PTPRT: variants seen among roughly 807,000 people sequenced by gnomAD.
PTPRT encodes receptor-type tyrosine-protein phosphatase T.
In PTPRT, 56 loss-of-function variants were observed where a neutral mutation model predicts 176.8. The observed-to-expected ratio is 0.32, with a 90% CI of 0.26 to 0.40. The LOEUF (loss-of-function observed/expected upper bound fraction) is 0.40. Ranked by LOEUF, PTPRT falls within the 10% of genes least tolerant of loss-of-function variation. The probability of loss-of-function intolerance (pLI) is 1.00; values close to 1 mark genes in which losing one functional copy is unlikely to be tolerated. For synonymous variants in PTPRT, 783 were observed against 739.0 expected, an observed-to-expected ratio of 1.06 and a Z score of -0.96; for missense variants, 1,540 against 1,908.2, an observed-to-expected ratio of 0.81 and a Z score of 3.60.
chr20:42,797,357 C>G (rs6130222), intron 2 of PTPRT, among the ~76,000 whole-genome samples: 62,646 of 152,098 alleles, frequency 0.41, 15,207 homozygotes, highest in Non-Finnish European at 0.54. Context: ...TAAAACAGTA[C>G]TCAGCACCAT....
chr20:43,039,339 T>G, intron 1 of PTPRT, among the ~76,000 whole-genome samples: 1 of 137,390 alleles, frequency 7.3e-6, no homozygotes, highest in South Asian at 2.2e-4. Flanking sequence ...ACTAGCTATC[T>G]TCTTGAAATA....
intron 7 of PTPRT, among the ~76,000 whole-genome samples, chr20:42,601,922 TGCAG>T (rs1490917811): frequency 1.3e-5 from 2 of 152,140 alleles, no homozygotes; most frequent in Non-Finnish European, 2.9e-5. Context: ...CCGGGCAGGA[TGCAG>T]GCATGGTGAA....
chr20:42,187,810 C>A (rs1990842561), intron 16 of PTPRT, among the ~76,000 whole-genome samples: 1 of 152,168 alleles, frequency 6.6e-6, no homozygotes, highest in Non-Finnish European at 1.5e-5. Context: ...CATTTATAGC[C>A]CACTGTTTTG....
intron 7 of PTPRT, among the ~76,000 whole-genome samples, chr20:42,629,002 A>G (rs952497032): frequency 6.6e-6 from 1 of 152,200 alleles, no homozygotes; most frequent in Non-Finnish European, 1.5e-5. Context: ...TCAAAAGGCC[A>G]TAATTCTTCA....
At chr20:42,231,863 G>A (rs561324080) in intron 15 of PTPRT, among the ~76,000 whole-genome samples, 1 of 152,222 alleles carries the variant, frequency 6.6e-6, no homozygotes, top group South Asian at 2.1e-4. Context: ...AAATATTTGT[G>A]GACCACTGTT....
At chr20:42,923,831 C>A (rs1372815780) in intron 1 of PTPRT, among the ~76,000 whole-genome samples, 1 of 150,792 alleles carries the variant, frequency 6.6e-6, no homozygotes, top group Non-Finnish European at 1.5e-5. Flanking sequence ...ATGAATGGGA[C>A]ATTTTTTTCT....
At chr20:42,448,197 T>C (rs1422852236) in intron 9 of PTPRT, 23 bp downstream of exon 9, 3 of 1,547,204 alleles carry the variant, frequency 1.9e-6, no homozygotes, top group East Asian at 2.2e-5. Flanking sequence ...AGCCAATGGA[T>C]GCAGCACAAG....
At chr20:42,807,622 A>G (rs1320696119) in intron 2 of PTPRT, among the ~76,000 whole-genome samples, 1 of 152,110 alleles carries the variant, frequency 6.6e-6, no homozygotes, top group East Asian at 1.9e-4. Context: ...CCTGACCAAA[A>G]TTGATATACT....
At chr20:42,378,446 C>T (rs2145623526) in intron 9 of PTPRT, among the ~76,000 whole-genome samples, 1 of 152,270 alleles carries the variant, frequency 6.6e-6, no homozygotes, top group East Asian at 1.9e-4. Flanking sequence ...TTTACTCTTC[C>T]TTTGCAACCT....
chr20:42,409,481 CAAAAAAAAAAAAAAAAAAAAAAAA>C (rs58932390), intron 9 of PTPRT, among the ~76,000 whole-genome samples: 47 of 112,140 alleles, frequency 4.2e-4, no homozygotes, highest in Non-Finnish European at 3.8e-4. Flanking sequence ...GACTCTGTCG[CAAAAAAAAAAAAAAAAAAAAAAAA>C]AAAAAAAAAA....
chr20:42,396,529 A>G (rs1181146188), intron 9 of PTPRT, among the ~76,000 whole-genome samples: 1 of 152,134 alleles, frequency 6.6e-6, no homozygotes, highest in Non-Finnish European at 1.5e-5. Flanking sequence ...CTGGCTTGGA[A>G]CACGCTAACC....
At chr20:43,032,187 T>C (rs1986165020) in intron 1 of PTPRT, among the ~76,000 whole-genome samples, 1 of 152,208 alleles carries the variant, frequency 6.6e-6, no homozygotes, top group South Asian at 2.1e-4. Flanking sequence ...TCCAGAATTT[T>C]GTTCTTTCTT....
chr20:42,772,219 A>G (rs960287239), intron 4 of PTPRT, among the ~76,000 whole-genome samples: 7 of 152,206 alleles, frequency 4.6e-5, no homozygotes, highest in African/African-American at 1.7e-4. Context: ...TTGCCATTTG[A>G]TAAGTACCAC....
chr20:42,617,766 C>G lies in PTPRT; in HGVS notation c.1153+60100G>C, dbSNP rs1185538177. On this transcript the variant is annotated intron_variant, in intron 7 of 30. Coordinates refer to ENST00000373187, the MANE Select transcript of PTPRT (RefSeq NM_007050.6). ...TACTCTCTGATAGTAGTTTGTATTT[C>G]TGTGGGATTGGTGGTGATATCCCCT... 7.9e-5 allele frequency among the ~76,000 whole-genome samples: 11 copies of G among 139,226 alleles called. 1 individual carries two copies. Among genetic ancestry groups the G allele is most frequent in the Admixed American group, 7.6e-4 (11 of 14,522 alleles). The allele number at this position is 139,226 out of a possible 152,430, so 91.3% of individuals were successfully genotyped here.
At chr20:42,640,615 C>T (rs1404761116) in intron 7 of PTPRT, among the ~76,000 whole-genome samples, 1 of 152,014 alleles carries the variant, frequency 6.6e-6, no homozygotes, top group East Asian at 1.9e-4. Context: ...TCTCGAACTC[C>T]TGACCACCGC....
intron 7 of PTPRT, among the ~76,000 whole-genome samples, chr20:42,554,031 C>T (rs1164107150): frequency 6.6e-6 from 1 of 152,080 alleles, no homozygotes; most frequent in Non-Finnish European, 1.5e-5. Flanking sequence ...CCTGGGTGTT[C>T]CTTGATCCTA....
Position 42,085,863 on chromosome 20 carries a change from G to A in PTPRT, c.3847-10C>T, listed in dbSNP as rs750508565. On this transcript the variant is annotated splice_polypyrimidine_tract_variant and intron_variant, in intron 27 of 30. Coordinates refer to ENST00000373187, the MANE Select transcript of PTPRT (RefSeq NM_007050.6). Reference sequence around the variant, plus strand: ...AGTACTGCATACAGAACTGAGATAAGGAAAGAGGTCACAGAAGGAGCTCAA... The same window carrying A: ...AGTACTGCATACAGAACTGAGATAAAGAAAGAGGTCACAGAAGGAGCTCAA... 4.3e-6 allele frequency: 7 copies of A among 1,609,380 alleles called. No homozygotes were observed. The Admixed American group carries it at 5.0e-5, about 12-fold the overall frequency.
chr20:42,839,729 G>C (rs1052462833), intron 2 of PTPRT, among the ~76,000 whole-genome samples: 37 of 152,152 alleles, frequency 2.4e-4, no homozygotes, highest in African/African-American at 8.2e-4. Context: ...AAAGCCAACT[G>C]GTGCTGTTAC....
chr20:42,880,420 T>C (rs1165641717), intron 2 of PTPRT, among the ~76,000 whole-genome samples: 1 of 152,188 alleles, frequency 6.6e-6, no homozygotes, highest in Non-Finnish European at 1.5e-5. Context: ...TCAACCCTAA[T>C]CCATACCTTA....
Sources: gnomAD v4.1 joint callset for allele counts (sites outside exome capture counted in the v4.1 genomes callset) on GRCh38, gnomAD v4.1.1 for gene constraint, MANE v1.5 for transcripts, NCBI Gene and HGNC (gene_info 2026-07-23, HGNC 2026-07-21) for gene names.